The following MITF variants were observed in gnomAD, a reference collection of about 807,000 sequenced individuals.
MITF encodes melanocyte inducing transcription factor, also known as microphthalmia-associated transcription factor.
A neutral mutation model predicts 60.5 loss-of-function variants in MITF; 17 were observed. That is an observed-to-expected ratio of 0.28 (90% confidence interval 0.19 to 0.42). MITF has a LOEUF of 0.42. Ranked by LOEUF, MITF falls within the 10% of genes least tolerant of loss-of-function variation. The probability of loss-of-function intolerance (pLI) is 1.00; values close to 1 mark genes in which losing one functional copy is unlikely to be tolerated. For synonymous variants in MITF, 260 were observed against 248.5 expected (o/e 1.05, Z -0.43); for missense variants, 622 against 683.5 (o/e 0.91, Z 1.00).
intron 1 of MITF, among the ~76,000 whole-genome samples, chr3:69,820,854 ATG>A: frequency 6.6e-6 from 1 of 152,110 alleles, no homozygotes. Context: ...TAGAAATAGA[ATG>A]TGTGTTATTA....
chr3:69,964,325 G>GTCTAATGACGCGCATCTACCATTAT lies in MITF; in HGVS notation c.1180-522_1180-521insTCTAATGACGCGCATCTACCATTAT, dbSNP rs376752769. Among the ~76,000 whole-genome samples, 106 of 137,046 alleles carry GTCTAATGACGCGCATCTACCATTAT rather than the reference G, an allele frequency of 7.7e-4. 4 individuals are homozygous for GTCTAATGACGCGCATCTACCATTAT. The highest frequency in any genetic ancestry group is 2.4e-3 in the South Asian group (10 of 4,212). 89.9% of individuals were successfully genotyped at this position (137,046 alleles called of 152,430 possible). A position where few individuals can be genotyped will look rare whatever the true frequency, so the allele number is the denominator to read the frequency against. On this transcript the variant is annotated intron_variant, in intron 9 of 9. Transcript: ENST00000352241. ...CCTCAGTGTGAACATTAATATCTGT[G>GTCTAATGACGCGCATCTACCATTAT]AGAGACCATCTCTATTTTTCATACA...
At chr3:69,790,714 T>C (rs1432318655) in intron 1 of MITF, among the ~76,000 whole-genome samples, 1 of 152,162 alleles carries the variant, frequency 6.6e-6, no homozygotes, top group Non-Finnish European at 1.5e-5. Flanking sequence ...CTCGCTTCTC[T>C]TGGAAAACTG....
chr3:69,933,455 T>C (rs2065766354), intron 2 of MITF, among the ~76,000 whole-genome samples: 1 of 152,060 alleles, frequency 6.6e-6, no homozygotes, highest in Non-Finnish European at 1.5e-5. Context: ...CAGGAAGTGG[T>C]AAAGCTGAAG....
intron 9 of MITF, among the ~76,000 whole-genome samples, chr3:69,964,095 G>C (rs958277687): frequency 1.4e-5 from 2 of 146,302 alleles, no homozygotes; most frequent in African/African-American, 5.1e-5. Flanking sequence ...TCCTGCCTCA[G>C]CCTCCCAAGT....
intron 1 of MITF, among the ~76,000 whole-genome samples, chr3:69,815,847 G>A (rs1354889269): frequency 6.6e-6 from 1 of 152,170 alleles, no homozygotes; most frequent in Non-Finnish European, 1.5e-5. Flanking sequence ...TTTTGTTCTG[G>A]AAAGTGGATC....
At chr3:69,836,923 G>A (rs916586705) in intron 1 of MITF, among the ~76,000 whole-genome samples, 2 of 152,160 alleles carry the variant, frequency 1.3e-5, no homozygotes, top group African/African-American at 4.8e-5. Flanking sequence ...GATTCCCCCA[G>A]CGTGTTGTAG....
chr3:69,770,133 GA>G (rs2062370477), intron 1 of MITF, among the ~76,000 whole-genome samples: 1 of 151,942 alleles, frequency 6.6e-6, no homozygotes, highest in South Asian at 2.1e-4. Flanking sequence ...TCATAAATTT[GA>G]AAAAAGATTT....
rs904015399 is a variant in MITF at position 69,894,216 on chromosome 3, G to T, written c.354+14833G>T. On this transcript the variant is annotated intron_variant, in intron 2 of 9. Coordinates refer to ENST00000352241, the MANE Select transcript of MITF (RefSeq NM_001354604.2). ...CACAGCCTTTCGCCCCTAAGCCACAGGGCCTACATTGCAGAACCAGTCAAC... is the reference window on the plus strand; with the variant it reads ...CACAGCCTTTCGCCCCTAAGCCACATGGCCTACATTGCAGAACCAGTCAAC... Among the ~76,000 whole-genome samples the T allele has an allele frequency of 1.2e-4, 19 of 152,192 alleles. 1 individual carries two copies. The highest frequency in any genetic ancestry group is 1.1e-3 in the Admixed American group (17 of 15,284).
intron 2 of MITF, among the ~76,000 whole-genome samples, chr3:69,899,715 C>A (rs2064955765): frequency 6.6e-6 from 1 of 152,126 alleles, no homozygotes; most frequent in South Asian, 2.1e-4. Context: ...GGAAAAAATT[C>A]TTTTTTCCAA....
chr3:69,864,684 C>G (rs928889059), intron 1 of MITF, among the ~76,000 whole-genome samples: 1 of 152,136 alleles, frequency 6.6e-6, no homozygotes, highest in African/African-American at 2.4e-5. Flanking sequence ...GAATCAGTGA[C>G]CTTTCCCTGG....
chr3:69,947,747 C>G (rs1287890996), intron 5 of MITF, among the ~76,000 whole-genome samples: 1 of 152,074 alleles, frequency 6.6e-6, no homozygotes, highest in African/African-American at 2.4e-5. Context: ...TCTGATTCAC[C>G]CATCAAGAAG....
intron 1 of MITF, among the ~76,000 whole-genome samples, chr3:69,849,233 G>GA (rs1480268778): frequency 2.6e-5 from 4 of 151,984 alleles, no homozygotes; most frequent in African/African-American, 9.7e-5. Context: ...CAAAGTGCTG[G>GA]GATTACAGGC....
At chr3:69,891,359 A>G (rs374969953) in intron 2 of MITF, among the ~76,000 whole-genome samples, 2 of 152,208 alleles carry the variant, frequency 1.3e-5, no homozygotes, top group Admixed American at 6.5e-5. Context: ...TCAGTTTGAC[A>G]TGAAGCTAAG....
intron 1 of MITF, among the ~76,000 whole-genome samples, chr3:69,808,415 G>C (rs112544673): frequency 2.0e-5 from 3 of 152,212 alleles, no homozygotes; most frequent in African/African-American, 7.2e-5. Context: ...CATATTCTCT[G>C]TCATGGGGCT....
At chr3:69,939,276 T>C in intron 4 of MITF, 95 bp downstream of exon 4, 1 of 1,167,022 alleles carries the variant, frequency 8.6e-7, no homozygotes, top group Non-Finnish European at 1.2e-6. Context: ...AAGCATTTTT[T>C]TCCCCCATTG....
At chr3:69,781,213 A>T (rs569593247) in intron 1 of MITF, among the ~76,000 whole-genome samples, 1 of 152,048 alleles carries the variant, frequency 6.6e-6, no homozygotes, top group African/African-American at 2.4e-5. Flanking sequence ...GATAAGACAG[A>T]TCTTTTCTGC....
chr3:69,838,770 A>T (rs139980906), intron 1 of MITF: 1 of 152,786 alleles, frequency 6.5e-6, no homozygotes, highest in East Asian at 1.9e-4. Context: ...GCATTTCAGC[A>T]TATTCTAGTG....
intron 2 of MITF, among the ~76,000 whole-genome samples, chr3:69,903,513 T>C (rs2107358220): frequency 6.6e-6 from 1 of 152,258 alleles, no homozygotes; most frequent in African/African-American, 2.4e-5. Context: ...TAGATCCAGT[T>C]TAATTACCAT....
intron 2 of MITF, among the ~76,000 whole-genome samples, chr3:69,920,553 G>A (rs1277190862): frequency 6.6e-6 from 1 of 152,086 alleles, no homozygotes; most frequent in Admixed American, 6.6e-5. Flanking sequence ...AGAAATAATG[G>A]CGTAAGCTGT....
Sources: allele counts gnomAD v4.1 joint callset (sites outside exome capture counted in the v4.1 genomes callset), GRCh38; gene constraint gnomAD v4.1.1; transcripts MANE v1.5; gene names NCBI Gene and HGNC (gene_info 2026-07-23, HGNC 2026-07-21).